The following TMEM272 variants were observed in gnomAD, a reference collection of about 807,000 sequenced individuals.
TMEM272 encodes the protein transmembrane protein 272.
Under a neutral mutation model 3.7 loss-of-function variants are expected in TMEM272, and 8 were observed. That is an observed-to-expected ratio of 2.17 (90% CI 1.27 to 3.91). The LOEUF (loss-of-function observed/expected upper bound fraction) is 3.91. TMEM272 is among the 30% of genes most tolerant of loss of function. The probability of loss-of-function intolerance (pLI) is 0.00; values close to 1 mark genes in which losing one functional copy is unlikely to be tolerated. For synonymous variants in TMEM272, 63 were observed against 39.8 expected (o/e 1.58, Z -2.20); for missense variants, 166 against 91.5 (o/e 1.81, Z -3.32).
At chr13:51,881,582 T>C in the TMEM272 span, among the ~76,000 whole-genome samples, 37 of 152,104 alleles carry the variant, frequency 2.4e-4, no homozygotes, top group African/African-American at 8.4e-4. Context: ...ACAAAACTCA[T>C]AGGTTGAAAT....
the TMEM272 span, among the ~76,000 whole-genome samples, chr13:51,851,153 G>C: frequency 6.6e-6 from 1 of 152,130 alleles, no homozygotes; most frequent in African/African-American, 2.4e-5. Context: ...GGGCAACACA[G>C]CAAGACCCTG....
intron 4 of TMEM272, among the ~76,000 whole-genome samples, chr13:51,821,041 A>G (rs1956074398): frequency 6.6e-6 from 1 of 152,158 alleles, no homozygotes; most frequent in East Asian, 1.9e-4. Flanking sequence ...AATTTTCAAG[A>G]CGTTCCTTTG....
chr13:51,911,222 A>C, the TMEM272 span, among the ~76,000 whole-genome samples: 1 of 152,128 alleles, frequency 6.6e-6, no homozygotes, highest in Non-Finnish European at 1.5e-5. Flanking sequence ...TTTCTGATTG[A>C]CCATTACGTC....
At chr13:51,888,193 C>T in the TMEM272 span, among the ~76,000 whole-genome samples, 1 of 151,180 alleles carries the variant, frequency 6.6e-6, no homozygotes, top group Admixed American at 6.7e-5. Flanking sequence ...TTACAGGCAC[C>T]CACCACCACA....
At chr13:51,882,129 T>G in the TMEM272 span, among the ~76,000 whole-genome samples, 2 of 152,242 alleles carry the variant, frequency 1.3e-5, no homozygotes, top group African/African-American at 4.8e-5. Context: ...TTGTTGGGAT[T>G]GCATAAATTA....
At chr13:51,865,347 C>T in the TMEM272 span, 3 of 1,543,448 alleles carry the variant, frequency 1.9e-6, no homozygotes, top group Non-Finnish European at 1.7e-6. Flanking sequence ...GACCAGCCGA[C>T]CTGGACCTGG....
the TMEM272 span, among the ~76,000 whole-genome samples, chr13:51,884,068 C>T: frequency 6.6e-6 from 1 of 152,130 alleles, no homozygotes; most frequent in African/African-American, 2.4e-5. Flanking sequence ...ATAAGTGATA[C>T]CAACTACTTA....
chr13:51,858,351 G>C, the TMEM272 span, among the ~76,000 whole-genome samples: 2 of 152,164 alleles, frequency 1.3e-5, no homozygotes, highest in Non-Finnish European at 2.9e-5. Context: ...CATAAAGCAA[G>C]TCTTAGCAAA....
At chr13:51,930,139 C>T in the TMEM272 span, among the ~76,000 whole-genome samples, 1 of 143,256 alleles carries the variant, frequency 7.0e-6, no homozygotes, top group East Asian at 2.0e-4. Context: ...CCCCCCCCCA[C>T]TTTCTATATT....
At chr13:51,836,121 T>C (rs995952868) in intron 2 of TMEM272, among the ~76,000 whole-genome samples, 1 of 152,176 alleles carries the variant, frequency 6.6e-6, no homozygotes, top group Non-Finnish European at 1.5e-5. Context: ...GGAGCTTAAA[T>C]GAGAGGTGAT....
the TMEM272 span, among the ~76,000 whole-genome samples, chr13:51,906,027 T>C: frequency 5.3e-5 from 8 of 152,170 alleles, no homozygotes; most frequent in Non-Finnish European, 7.4e-5. Flanking sequence ...GACTTGGGGC[T>C]CGGGCTCTGG....
chr13:51,904,091 T>C, the TMEM272 span, among the ~76,000 whole-genome samples: 1 of 152,172 alleles, frequency 6.6e-6, no homozygotes, highest in African/African-American at 2.4e-5. Context: ...CCTGGGATGC[T>C]AGGCATGAGG....
the TMEM272 span, among the ~76,000 whole-genome samples, chr13:51,920,259 C>T: frequency 6.6e-6 from 1 of 152,140 alleles, no homozygotes; most frequent in Non-Finnish European, 1.5e-5. Context: ...TGTCATTTTC[C>T]AGATGAAGGG....
At chr13:51,835,846 A>G (rs1476503425) in intron 2 of TMEM272, among the ~76,000 whole-genome samples, 1 of 152,256 alleles carries the variant, frequency 6.6e-6, no homozygotes, top group Admixed American at 6.5e-5. Context: ...TTTAGTTGGA[A>G]ATAATCCCAG....
the TMEM272 span, among the ~76,000 whole-genome samples, chr13:51,881,118 G>A: frequency 2.0e-5 from 3 of 152,130 alleles, no homozygotes; most frequent in African/African-American, 4.8e-5. Flanking sequence ...GGGTGTGGCC[G>A]AACAACTGAA....
chr13:51,839,617 T>G (rs928985794), intron 1 of TMEM272, among the ~76,000 whole-genome samples: 41 of 152,216 alleles, frequency 2.7e-4, no homozygotes, highest in Admixed American at 9.2e-4. Flanking sequence ...CAGCACTACC[T>G]GCAGGCCCTC....
At chr13:51,930,617 G>T in the TMEM272 span, 2 of 151,676 alleles carry the variant, frequency 1.3e-5, no homozygotes, top group East Asian at 3.9e-4. Flanking sequence ...GCATTTCTTT[G>T]CACATACGTT....
At chr13:51,917,083 A>G in the TMEM272 span, among the ~76,000 whole-genome samples, 1 of 152,190 alleles carries the variant, frequency 6.6e-6, no homozygotes, top group Non-Finnish European at 1.5e-5. Flanking sequence ...GCGGACATTC[A>G]CTAAAGACCA....
the TMEM272 span, among the ~76,000 whole-genome samples, chr13:51,905,247 C>T: frequency 1.5e-4 from 22 of 150,756 alleles, no homozygotes; most frequent in African/African-American, 5.3e-4. Context: ...AGAGCTGTCA[C>T]GACACTGGAC....
Sources: allele counts gnomAD v4.1 joint callset (sites outside exome capture counted in the v4.1 genomes callset), GRCh38; gene constraint gnomAD v4.1.1; transcripts MANE v1.5; gene names NCBI Gene and HGNC (gene_info 2026-07-23, HGNC 2026-07-21).